BAZ1A: variants seen among roughly 807,000 people sequenced by gnomAD.
The protein encoded by BAZ1A is bromodomain adjacent to zinc finger domain 1A.
A neutral mutation model predicts 185.2 loss-of-function variants in BAZ1A; 50 were observed. The observed-to-expected ratio is 0.27, with a 90% CI of 0.22 to 0.34. The LOEUF is 0.34. BAZ1A is among the 10% of genes least tolerant of loss of function. The pLI, the probability that BAZ1A is intolerant of heterozygous loss-of-function variation, is 1.00. For missense variants in BAZ1A, 1,356 were observed against 1,839.9 expected, an observed-to-expected ratio of 0.74 and a Z score of 4.81; for synonymous variants, 571 against 615.6, an observed-to-expected ratio of 0.93 and a Z score of 1.07.
intron 5 of BAZ1A, 72 bp downstream of exon 5, chr14:34,810,863 A>G (rs2041919461): frequency 2.8e-6 from 3 of 1,090,846 alleles, no homozygotes; most frequent in African/African-American, 3.1e-5. Flanking sequence ...TTTGTTCTAC[A>G]TCAGACCTTC....
At chr14:34,778,726 G>A (rs1249626215) in intron 17 of BAZ1A, among the ~76,000 whole-genome samples, 1 of 152,050 alleles carries the variant, frequency 6.6e-6, no homozygotes, top group African/African-American at 2.4e-5. Flanking sequence ...CCATAGTTAT[G>A]TTGCTCCCCT....
At chr14:34,768,936 G>GA (rs1312597487) in intron 21 of BAZ1A, among the ~76,000 whole-genome samples, 4 of 151,516 alleles carry the variant, frequency 2.6e-5, no homozygotes, top group Middle Eastern at 3.4e-3. Context: ...TTCCCCAAAT[G>GA]AAAAAAAGTC....
intron 25 of BAZ1A, 124 bp downstream of exon 25, chr14:34,758,580 G>A (rs1886373084): frequency 9.8e-7 from 1 of 1,019,936 alleles, no homozygotes; most frequent in Non-Finnish European, 1.4e-6. Context: ...ACTGTCTCAG[G>A]AAAAAACAAC....
chr14:34,846,065 T>G (rs1387994966), intron 3 of BAZ1A, among the ~76,000 whole-genome samples: 1 of 152,158 alleles, frequency 6.6e-6, no homozygotes, highest in African/African-American at 2.4e-5. Context: ...CAGTCTCACC[T>G]CTTTCATGTG....
At chr14:34,773,844 C>A in intron 19 of BAZ1A, 118 bp from the exon 20 acceptor site, 1 of 1,078,608 alleles carries the variant, frequency 9.3e-7, no homozygotes, top group Non-Finnish European at 1.3e-6. Context: ...GATTATGAAT[C>A]AAAAAGGTAT....
rs750347699 is a variant in BAZ1A, at chr14:34,762,207, TTCC to T, written c.3790_3792del (p.Gly1264del). On this transcript the variant is annotated inframe_deletion, in exon 24 of 27. Transcript: ENST00000360310. ...TTAACTGGCAATCTAACTTGTGGTC[TTCC>T]TCGTTTGGGTAGGCTATAAATATTG... is the stretch of plus-strand genomic sequence containing the variant. 2 of 1,614,026 alleles carry T rather than the reference TTCC, an allele frequency of 1.2e-6. No individual in the cohort carries two copies. Among genetic ancestry groups the T allele is most frequent in the Non-Finnish European group, 1.7e-6 (2 of 1,179,976 alleles).
At chr14:34,828,426 C>T (rs1458047442) in intron 3 of BAZ1A, 1 of 152,106 alleles carries the variant, frequency 6.6e-6, no homozygotes, top group East Asian at 1.9e-4. Flanking sequence ...TGCCTTGAAA[C>T]CATGAGTCTA....
chr14:34,756,429 T>A (rs1886250006), intron 25 of BAZ1A, among the ~76,000 whole-genome samples: 1 of 149,010 alleles, frequency 6.7e-6, no homozygotes, highest in African/African-American at 2.5e-5. Flanking sequence ...ACTGTTGAGA[T>A]TACAGGCGTG....
intron 11 of BAZ1A, 91 bp from the exon 12 acceptor site, chr14:34,793,012 A>G: frequency 1.8e-6 from 2 of 1,134,154 alleles, no homozygotes; most frequent in Non-Finnish European, 1.2e-6. Context: ...CAACAATAGT[A>G]TGTGCAACTA....
chr14:34,805,899 C>G (rs1213267585), intron 6 of BAZ1A, among the ~76,000 whole-genome samples: 1 of 144,270 alleles, frequency 6.9e-6, no homozygotes, highest in East Asian at 2.0e-4. Flanking sequence ...TTTTTTTTTT[C>G]CCTTAGACGG....
At chr14:34,793,047 A>C in intron 11 of BAZ1A, 126 bp from the exon 12 acceptor site, 1 of 797,480 alleles carries the variant, frequency 1.3e-6, no homozygotes. Flanking sequence ...AATTTATGAA[A>C]GTATAACCAA....
chr14:34,784,778 A>C (rs1175655346), intron 14 of BAZ1A, among the ~76,000 whole-genome samples: 1 of 151,994 alleles, frequency 6.6e-6, no homozygotes, highest in Non-Finnish European at 1.5e-5. Context: ...TCAGCCTCCC[A>C]AAGTACTGGG....
At position 34,875,242 on chromosome 14, in the gene BAZ1A, C is replaced by G. The variant is rs1045523245; in HGVS notation, c.-163G>C. The G allele has an allele frequency of 3.1e-5, 14 of 453,996 alleles. No individual in the cohort carries two copies. Among genetic ancestry groups the G allele is most frequent in the African/African-American group, 2.8e-4 (14 of 49,996 alleles). The allele number at this position is 453,996 out of a possible 1,614,324, so 28.1% of individuals were successfully genotyped here. A position where few individuals can be genotyped will look rare whatever the true frequency, so the allele number is the denominator to read the frequency against. On this transcript the variant is annotated 5_prime_UTR_variant, in exon 1 of 27. Transcript: ENST00000360310. ...CGCCTCTCTCCGGCCCCGCCGCGCC[C>G]CTGGCTGCCGCTTCTCCCGCTGCCA...
chr14:34,801,206 C>A lies in BAZ1A; in HGVS notation c.862-13G>T. 1.3e-6 allele frequency: 2 copies of A among 1,569,436 alleles called. No individual in the cohort carries two copies. Among genetic ancestry groups the A allele is most frequent in the South Asian group, 2.3e-5 (2 of 86,706 alleles). ...CAACATTGTCCTCCTAAAAAACAAA[C>A]CAAAATAGTATGCCTGGTTCTTATA... On this transcript the variant is annotated splice_polypyrimidine_tract_variant and intron_variant, in intron 7 of 26. Coordinates refer to ENST00000360310, the MANE Select transcript of BAZ1A (RefSeq NM_013448.3).
chr14:34,775,460 C>T (rs933482272), intron 18 of BAZ1A, among the ~76,000 whole-genome samples: 7 of 152,270 alleles, frequency 4.6e-5, no homozygotes, highest in Admixed American at 1.3e-4. Flanking sequence ...CATCAGTGGA[C>T]GGACCATCAA....
At chr14:34,757,923 AT>A (rs1402273868) in intron 25 of BAZ1A, among the ~76,000 whole-genome samples, 2 of 150,306 alleles carry the variant, frequency 1.3e-5, no homozygotes, top group Non-Finnish European at 3.0e-5. Flanking sequence ...ATTTTTTTGT[AT>A]TTTTAGTAGA....
chr14:34,862,745 G>A (rs984496906), intron 2 of BAZ1A, among the ~76,000 whole-genome samples: 3 of 148,632 alleles, frequency 2.0e-5, no homozygotes, highest in African/African-American at 7.4e-5. Flanking sequence ...GATCTCTCCT[G>A]TATTTTCTTG....
chr14:34,867,210 G>C (rs987921866), intron 2 of BAZ1A, among the ~76,000 whole-genome samples: 2 of 152,036 alleles, frequency 1.3e-5, no homozygotes, highest in African/African-American at 4.8e-5. Context: ...AGTGAGCTGA[G>C]ATTGTGCCAC....
intron 2 of BAZ1A, among the ~76,000 whole-genome samples, chr14:34,869,823 C>T (rs2138841607): frequency 6.6e-6 from 1 of 152,198 alleles, no homozygotes; most frequent in African/African-American, 2.4e-5. Context: ...TCTGTTTTGA[C>T]CAAAATAATA....
Sources: gnomAD v4.1 joint callset for allele counts (sites outside exome capture counted in the v4.1 genomes callset) on GRCh38, gnomAD v4.1.1 for gene constraint, MANE v1.5 for transcripts, NCBI Gene and HGNC (gene_info 2026-07-23, HGNC 2026-07-21) for gene names.